RB1: variants seen among roughly 807,000 people sequenced by gnomAD.
The protein encoded by RB1 is retinoblastoma-associated protein.
A neutral mutation model predicts 135.4 loss-of-function variants in RB1; 18 were observed. The ratio of observed to expected loss-of-function variants is 0.13; its 90% CI spans 0.09 to 0.20. The LOEUF is 0.20. Among genes scored for constraint, RB1 ranks in the 10% least tolerant of loss-of-function variants. The pLI is 1.00. For synonymous variants in RB1, 365 were observed against 373.2 expected (o/e 0.98, Z 0.25); for missense variants, 868 against 1,110.0 (o/e 0.78, Z 3.10).
chr13:48,350,142 A>G (rs1455075204), intron 6 of RB1, among the ~76,000 whole-genome samples: 2 of 152,148 alleles, frequency 1.3e-5, no homozygotes, highest in East Asian at 3.9e-4. Flanking sequence ...TCTTCCAGAC[A>G]GAAAATCAAC....
intron 2 of RB1, among the ~76,000 whole-genome samples, chr13:48,312,257 C>T (rs989825420): frequency 2.0e-5 from 3 of 152,042 alleles, no homozygotes; most frequent in Admixed American, 2.0e-4. Context: ...TTGTAATCAG[C>T]ATTCATTAAA....
chr13:48,318,203 C>A, intron 2 of RB1: 1 of 595,288 alleles, frequency 1.7e-6, no homozygotes, highest in South Asian at 2.1e-5. Flanking sequence ...TCCCTGGACC[C>A]TCGCCGCTGT....
chr13:48,387,149 C>T (rs1309177798), intron 17 of RB1, among the ~76,000 whole-genome samples: 3 of 152,038 alleles, frequency 2.0e-5, no homozygotes, highest in East Asian at 3.9e-4. Context: ...AATGTAGAAG[C>T]GGATAGGAAA....
At position 48,348,953 on chromosome 13, in the gene RB1, T is replaced by C. The variant is rs149703672; in HGVS notation, c.540-3T>C. On this transcript the variant is annotated splice_region_variant and splice_polypyrimidine_tract_variant and intron_variant, in intron 5 of 26. Transcript: ENST00000267163. The stretch of plus-strand genomic sequence containing the variant: ...TTTTTTCTGCTTTCTATTTGTTTAA[T>C]AGGATATCTACTGAAATAAATTCTG... The C allele has an allele frequency of 1.1e-5, 18 of 1,600,434 alleles. No homozygotes were observed. In the Admixed American group the frequency reaches 3.0e-4, roughly 27 times the overall value.
At chr13:48,366,370 A>G (rs953983076) in intron 9 of RB1, among the ~76,000 whole-genome samples, 3 of 152,220 alleles carry the variant, frequency 2.0e-5, no homozygotes, top group East Asian at 3.9e-4. Context: ...TAGGACAGGA[A>G]CAATGATTAA....
At chr13:48,308,215 T>C (rs1372772087) in intron 2 of RB1, among the ~76,000 whole-genome samples, 1 of 151,550 alleles carries the variant, frequency 6.6e-6, no homozygotes, top group African/African-American at 2.4e-5. Flanking sequence ...CCGGGCATGG[T>C]GGTGTGTGCC....
intron 2 of RB1, among the ~76,000 whole-genome samples, chr13:48,323,187 C>G (rs1952256377): frequency 6.6e-6 from 1 of 152,034 alleles, no homozygotes; most frequent in Non-Finnish European, 1.5e-5. Context: ...ATTACTAATT[C>G]AGTCATTTTA....
At chr13:48,313,277 G>A (rs928377346) in intron 2 of RB1, among the ~76,000 whole-genome samples, 6 of 151,844 alleles carry the variant, frequency 4.0e-5, no homozygotes, top group Non-Finnish European at 8.8e-5. Flanking sequence ...ATTATTTGCA[G>A]ACTTTTCCCC....
rs4151631 is a variant in RB1 at position 48,480,534 on chromosome 13, T to A, written c.*463T>A. 1,683 of 228,470 alleles carry A rather than the reference T, an allele frequency of 7.4e-3. 37 individuals are homozygous for A. Among genetic ancestry groups the A allele is most frequent in the African/African-American group, 0.035 (1,575 of 45,128 alleles). 14.2% of individuals were successfully genotyped at this position (228,470 alleles called of 1,614,324 possible). A position where few individuals can be genotyped will look rare whatever the true frequency, so the allele number is the denominator to read the frequency against. On this transcript the variant is annotated 3_prime_UTR_variant, in exon 27 of 27. Coordinates refer to ENST00000267163, the MANE Select transcript of RB1 (RefSeq NM_000321.3). ...TGTCCTATCTATCTTCCAAATGCAA[T>A]TTGATTGACTGCCCATTCACCAAAA...
At position 48,398,888 on chromosome 13, in the gene RB1, T is replaced by C. The variant is rs1948668383; in HGVS notation, c.1695+17445T>C. On this transcript the variant is annotated intron_variant, in intron 17 of 26. Transcript: ENST00000267163. ...GGGAAGTGTTTTGCCTAGGAGCTAATAAGTAACAAGAAAGGGAAAAGTAAC... is the reference window on the plus strand; with the variant it reads ...GGGAAGTGTTTTGCCTAGGAGCTAACAAGTAACAAGAAAGGGAAAAGTAAC... Among the ~76,000 whole-genome samples the C allele has an allele frequency of 3.9e-5, 6 of 152,124 alleles. No homozygotes were observed. The South Asian group carries it at 1.2e-3, about 31-fold the overall frequency.
rs537767035 is a variant in RB1 at position 48,373,958 on chromosome 13, AC to A, written c.1215+468del. On this transcript the variant is annotated intron_variant, in intron 12 of 26. Coordinates refer to ENST00000267163, the MANE Select transcript of RB1 (RefSeq NM_000321.3). ...CTTATAAGTTTGAAGATAATACATT[AC>A]CTGGATCCCATTTTTGCTAATTAAG... Among the ~76,000 whole-genome samples, 847 of 152,256 alleles carry A rather than the reference AC, an allele frequency of 5.6e-3. 5 individuals carry two copies. The highest frequency in any genetic ancestry group is 0.01 in the Middle Eastern group (3 of 294).
At chr13:48,434,370 A>G (rs1335095868) in intron 17 of RB1, among the ~76,000 whole-genome samples, 2 of 152,168 alleles carry the variant, frequency 1.3e-5, no homozygotes, top group Admixed American at 6.5e-5. Flanking sequence ...AAAAATTTTA[A>G]CAGATAGATT....
chr13:48,320,360 C>A, intron 2 of RB1: 1 of 1,240,842 alleles, frequency 8.1e-7, no homozygotes, highest in South Asian at 1.2e-5. Flanking sequence ...GACACGCTCT[C>A]CACCCCCTCG....
In RB1 at chr13:48,431,791, G is replaced by C. The variant is rs548313802; in HGVS notation, c.1696-21202G>C. The stretch of plus-strand genomic sequence containing the variant: ...TATTTCAACCTAACCGAAAAAGATT[G>C]CTGGATTTTTGCCCTGGCCATATAA... On this transcript the variant is annotated intron_variant, in intron 17 of 26. Coordinates refer to ENST00000267163, the MANE Select transcript of RB1 (RefSeq NM_000321.3). Among the ~76,000 whole-genome samples the C allele has an allele frequency of 1.4e-4, 22 of 152,288 alleles. No individual in the cohort carries two copies. The East Asian group carries it at 4.2e-3, about 29-fold the overall frequency.
chr13:48,331,017 G>A (rs1227395899), intron 2 of RB1, among the ~76,000 whole-genome samples: 1 of 152,164 alleles, frequency 6.6e-6, no homozygotes, highest in East Asian at 1.9e-4. Flanking sequence ...CACTTCAACA[G>A]AATGAAGGAC....
chr13:48,311,926 G>C lies in RB1; in HGVS notation c.264+4520G>C, dbSNP rs184373141. ...TCACCGTGTTAGTCAGGCTGGTCTC[G>C]AACTCCTGACCTCATGATCTGCCCT... On this transcript the variant is annotated intron_variant, in intron 2 of 26. Coordinates refer to ENST00000267163, the MANE Select transcript of RB1 (RefSeq NM_000321.3). Among the ~76,000 whole-genome samples, 11 of 152,234 alleles carry C rather than the reference G, an allele frequency of 7.2e-5. No individual in the cohort carries two copies. The East Asian group carries it at 2.1e-3, about 29-fold the overall frequency.
chr13:48,308,322 C>T lies in RB1; in HGVS notation c.264+916C>T, dbSNP rs1173431158. On this transcript the variant is annotated intron_variant, in intron 2 of 26. Coordinates refer to ENST00000267163, the MANE Select transcript of RB1 (RefSeq NM_000321.3). ...CCAAGATCGCACCACTGCACTCCAG[C>T]CTGGGCAACACAGGAAGACCCTGTT... Among the ~76,000 whole-genome samples, 3 of 145,888 alleles carry T rather than the reference C, an allele frequency of 2.1e-5. 1 individual carries two copies. Among genetic ancestry groups the T allele is most frequent in the Admixed American group, 1.4e-4 (2 of 14,476 alleles).
At chr13:48,347,957 A>C in intron 5 of RB1, 94 bp downstream of exon 5, 1 of 925,378 alleles carries the variant, frequency 1.1e-6, no homozygotes, top group Non-Finnish European at 1.7e-6. Context: ...AGTTTGATCG[A>C]TTATAGCAGG....
chr13:48,366,820 A>T (rs926285953), intron 9 of RB1, among the ~76,000 whole-genome samples: 1 of 152,184 alleles, frequency 6.6e-6, no homozygotes, highest in Non-Finnish European at 1.5e-5. Flanking sequence ...ATTGATAAGC[A>T]TAAAAGATTA....
Sources: allele counts gnomAD v4.1 joint callset (sites outside exome capture counted in the v4.1 genomes callset), GRCh38; gene constraint gnomAD v4.1.1; transcripts MANE v1.5; gene names NCBI Gene and HGNC (gene_info 2026-07-23, HGNC 2026-07-21).